CACNA2D3: variants seen among roughly 807,000 people sequenced by gnomAD.
The protein encoded by CACNA2D3 is voltage-dependent calcium channel subunit alpha-2/delta-3.
In CACNA2D3, 60 loss-of-function variants were observed where a neutral mutation model predicts 160.6. The ratio of observed to expected loss-of-function variants is 0.37; its 90% CI spans 0.30 to 0.46. CACNA2D3 has a LOEUF of 0.46. Among genes scored for constraint, CACNA2D3 ranks in the 20% least tolerant of loss-of-function variants. The pLI is 1.00. For missense variants in CACNA2D3, 1,205 were observed against 1,365.0 expected, an observed-to-expected ratio of 0.88 and a Z score of 1.85; for synonymous variants, 558 against 492.9, an observed-to-expected ratio of 1.13 and a Z score of -1.75.
intron 27 of CACNA2D3, among the ~76,000 whole-genome samples, chr3:54,912,742 C>G (rs578161411): frequency 1.5e-4 from 23 of 152,206 alleles, no homozygotes; most frequent in African/African-American, 5.3e-4. Flanking sequence ...TCTTTATCTT[C>G]TCCCTCTGCT....
chr3:54,858,463 G>C (rs1284825174), intron 17 of CACNA2D3, among the ~76,000 whole-genome samples: 2 of 152,246 alleles, frequency 1.3e-5, no homozygotes. Context: ...GTGACAGCCT[G>C]CTGGGGGGAG....
intron 13 of CACNA2D3, 132 bp downstream of exon 13, chr3:54,764,483 G>A (rs907230667): frequency 1.8e-6 from 2 of 1,110,568 alleles, no homozygotes; most frequent in East Asian, 5.2e-5. Context: ...TGTTTGTATA[G>A]TGTTGGTCAC....
intron 5 of CACNA2D3, among the ~76,000 whole-genome samples, chr3:54,544,364 C>T: frequency 6.7e-6 from 1 of 149,214 alleles, no homozygotes; most frequent in Non-Finnish European, 1.5e-5. Context: ...TTCATTCCTC[C>T]AATCTTCTGA....
intron 2 of CACNA2D3, among the ~76,000 whole-genome samples, chr3:54,143,051 T>G (rs139879391): frequency 7.7e-4 from 117 of 152,330 alleles, no homozygotes; most frequent in African/African-American, 2.7e-3. Flanking sequence ...GTGACTAGGT[T>G]TCTTTGCTCC....
chr3:54,420,958 A>G (rs1210480949), intron 4 of CACNA2D3, among the ~76,000 whole-genome samples: 4 of 152,220 alleles, frequency 2.6e-5, no homozygotes, highest in African/African-American at 9.6e-5. Flanking sequence ...TATCAAAGGT[A>G]CAGGTTGAAT....
At chr3:54,219,183 C>G (rs1410466498) in intron 2 of CACNA2D3, among the ~76,000 whole-genome samples, 1 of 152,188 alleles carries the variant, frequency 6.6e-6, no homozygotes, top group Non-Finnish European at 1.5e-5. Flanking sequence ...TACCAGCTCT[C>G]AAGAGCTGAT....
intron 5 of CACNA2D3, among the ~76,000 whole-genome samples, chr3:54,508,025 A>C (rs1559500412): frequency 6.6e-6 from 1 of 152,232 alleles, no homozygotes. Flanking sequence ...TGGCATTAAA[A>C]GGGGAGCCTT....
intron 2 of CACNA2D3, among the ~76,000 whole-genome samples, chr3:54,243,641 G>A (rs955373903): frequency 1.3e-5 from 2 of 152,096 alleles, no homozygotes; most frequent in African/African-American, 2.4e-5. Flanking sequence ...ACAAACAAAC[G>A]AAAACGAAAC....
At chr3:54,468,169 TC>T (rs778294791) in intron 4 of CACNA2D3, among the ~76,000 whole-genome samples, 3 of 152,202 alleles carry the variant, frequency 2.0e-5, no homozygotes, top group Non-Finnish European at 4.4e-5. Context: ...ACAACTCCAG[TC>T]TGCAGCCCCC....
intron 2 of CACNA2D3, among the ~76,000 whole-genome samples, chr3:54,218,744 T>A (rs113924651): frequency 0.011 from 1,658 of 152,304 alleles, 26 homozygotes; most frequent in African/African-American, 0.037. Context: ...TGTCAGCAGA[T>A]CTCTGTTCCT....
chr3:54,572,941 C>T (rs899203632), intron 8 of CACNA2D3, among the ~76,000 whole-genome samples: 1 of 152,080 alleles, frequency 6.6e-6, no homozygotes, highest in Admixed American at 6.5e-5. Flanking sequence ...TTGAAATAAT[C>T]TATGTAAGTT....
intron 2 of CACNA2D3, among the ~76,000 whole-genome samples, chr3:54,228,056 A>G (rs75453795): frequency 0.019 from 2,874 of 152,122 alleles, 43 homozygotes; most frequent in Non-Finnish European, 0.03. Flanking sequence ...ATCCTCTTCT[A>G]TTTCAATTTA....
intron 2 of CACNA2D3, among the ~76,000 whole-genome samples, chr3:54,141,868 A>G (rs926966465): frequency 6.6e-6 from 1 of 152,152 alleles, no homozygotes; most frequent in Non-Finnish European, 1.5e-5. Context: ...GCATCTTGCT[A>G]CTCTGTCCAG....
intron 4 of CACNA2D3, among the ~76,000 whole-genome samples, chr3:54,480,242 C>T (rs919701135): frequency 2.0e-5 from 3 of 152,134 alleles, no homozygotes; most frequent in Admixed American, 1.3e-4. Context: ...AGGTGTTCCT[C>T]CTCAAATAAT....
chr3:54,695,588 G>T (rs539502004), intron 11 of CACNA2D3, among the ~76,000 whole-genome samples: 5 of 152,180 alleles, frequency 3.3e-5, no homozygotes, highest in African/African-American at 1.2e-4. Flanking sequence ...CCCCTTACCT[G>T]CTAGTTGTTG....
intron 17 of CACNA2D3, among the ~76,000 whole-genome samples, chr3:54,856,714 G>A (rs916700213): frequency 6.6e-6 from 1 of 152,164 alleles, no homozygotes; most frequent in African/African-American, 2.4e-5. Context: ...ACAAAAAGTC[G>A]GGAGAGGTAC....
At chr3:54,787,673 T>C (rs1253867247) in intron 13 of CACNA2D3, among the ~76,000 whole-genome samples, 1 of 151,922 alleles carries the variant, frequency 6.6e-6, no homozygotes, top group East Asian at 1.9e-4. Context: ...GGAAAGGAGG[T>C]TTAGGCTTCT....
intron 29 of CACNA2D3, among the ~76,000 whole-genome samples, chr3:54,971,646 C>T (rs978827698): frequency 5.9e-5 from 9 of 152,202 alleles, no homozygotes; most frequent in African/African-American, 2.2e-4. Flanking sequence ...TCCCAGAACC[C>T]ACACTGCCTC....
chr3:54,139,397 A>G (rs973572750), intron 2 of CACNA2D3, among the ~76,000 whole-genome samples: 6 of 152,258 alleles, frequency 3.9e-5, no homozygotes, highest in African/African-American at 1.4e-4. Flanking sequence ...GACAAGGCAG[A>G]CTTAGCTGAA....
Sources: allele counts gnomAD v4.1 joint callset (sites outside exome capture counted in the v4.1 genomes callset), GRCh38; gene constraint gnomAD v4.1.1; transcripts MANE v1.5; gene names NCBI Gene and HGNC (gene_info 2026-07-23, HGNC 2026-07-21).